The following APBB2 variants were observed in gnomAD, a reference collection of about 807,000 sequenced individuals.
The protein encoded by APBB2 is amyloid beta precursor protein binding family B member 2, also known as Fe65-like 1.
A neutral mutation model predicts 82.5 loss-of-function variants in APBB2; 38 were observed. The observed-to-expected ratio is 0.46, with a 90% CI of 0.36 to 0.60. The LOEUF (loss-of-function observed/expected upper bound fraction) is 0.60, where lower values mean the gene tolerates loss of function less well. Among genes scored for constraint, APBB2 ranks in the 20% least tolerant of loss-of-function variants. APBB2 has a pLI of 0.00. For missense variants in APBB2, 772 were observed against 972.3 expected, an observed-to-expected ratio of 0.79 and a Z score of 2.74; for synonymous variants, 341 against 368.2, an observed-to-expected ratio of 0.93 and a Z score of 0.85.
intron 5 of APBB2, among the ~76,000 whole-genome samples, chr4:41,016,714 A>G (rs922007220): frequency 6.6e-6 from 1 of 151,646 alleles, no homozygotes; most frequent in African/African-American, 2.4e-5. Context: ...GGATCCCATT[A>G]CCCTATCAGG....
At chr4:41,171,762 C>T (rs1768321419) in intron 1 of APBB2, among the ~76,000 whole-genome samples, 1 of 152,186 alleles carries the variant, frequency 6.6e-6, no homozygotes, top group Non-Finnish European at 1.5e-5. Context: ...AGTTCAAGAC[C>T]AGTCTGGCCA....
At chr4:41,186,250 T>C (rs991490349) in intron 1 of APBB2, among the ~76,000 whole-genome samples, 1 of 152,212 alleles carries the variant, frequency 6.6e-6, no homozygotes, top group African/African-American at 2.4e-5. Flanking sequence ...AGTAGTATAC[T>C]ATGTTTTTTT....
At chr4:41,144,317 G>A (rs1433915103) in intron 1 of APBB2, among the ~76,000 whole-genome samples, 1 of 152,168 alleles carries the variant, frequency 6.6e-6, no homozygotes, top group Non-Finnish European at 1.5e-5. Context: ...CAGAAAAAAA[G>A]CAAAATATCA....
intron 12 of APBB2, among the ~76,000 whole-genome samples, chr4:40,858,940 G>A (rs1762108123): frequency 6.6e-6 from 1 of 152,172 alleles, no homozygotes; most frequent in Admixed American, 6.5e-5. Context: ...TAAGACTTGG[G>A]GTTCAGCAGC....
At chr4:40,977,530 C>CCTTTTTTTTTTT (rs1797489364) in intron 6 of APBB2, among the ~76,000 whole-genome samples, 1 of 152,160 alleles carries the variant, frequency 6.6e-6, no homozygotes, top group Non-Finnish European at 1.5e-5. Context: ...CCAAGCTGGT[C>CCTTTTTTTTTTT]TCGAATTTCT....
intron 3 of APBB2, among the ~76,000 whole-genome samples, chr4:41,087,943 A>C (rs985414192): frequency 6.6e-6 from 1 of 152,218 alleles, no homozygotes; most frequent in Non-Finnish European, 1.5e-5. Context: ...GTGGGCCTCC[A>C]CAAAACAGCC....
chr4:40,886,855 A>T (rs1770451417), intron 12 of APBB2, among the ~76,000 whole-genome samples: 1 of 152,252 alleles, frequency 6.6e-6, no homozygotes, highest in Non-Finnish European at 1.5e-5. Flanking sequence ...AAAGCTCATG[A>T]AACCCCTTGC....
intron 10 of APBB2, among the ~76,000 whole-genome samples, chr4:40,910,687 C>A (rs1778311493): frequency 6.6e-6 from 1 of 152,266 alleles, no homozygotes; most frequent in African/African-American, 2.4e-5. Context: ...GGATGTGCCA[C>A]ATGCTCAAGA....
chr4:40,831,069 A>C (rs1209333777), intron 12 of APBB2, among the ~76,000 whole-genome samples: 2 of 152,240 alleles, frequency 1.3e-5, no homozygotes, highest in African/African-American at 4.8e-5. Context: ...ACTGCACTCC[A>C]GACTGGTCAA....
At chr4:40,983,878 T>A (rs6816766) in intron 6 of APBB2, among the ~76,000 whole-genome samples, 13 of 152,242 alleles carry the variant, frequency 8.5e-5, no homozygotes, top group Non-Finnish European at 1.8e-4. Context: ...TGCCTAACTT[T>A]TTTTAAACTA....
intron 6 of APBB2, among the ~76,000 whole-genome samples, chr4:40,987,491 G>T (rs1466242766): frequency 3.3e-5 from 5 of 152,162 alleles, no homozygotes; most frequent in Admixed American, 3.3e-4. Context: ...TAAAGGATAA[G>T]ATGGTCTATT....
At chr4:40,991,850 G>C (rs1308087648) in intron 6 of APBB2, among the ~76,000 whole-genome samples, 1 of 152,126 alleles carries the variant, frequency 6.6e-6, no homozygotes, top group African/African-American at 2.4e-5. Context: ...CATCCCTTCA[G>C]AAGGTGGGCT....
chr4:40,850,247 A>C (rs992732027), intron 12 of APBB2, among the ~76,000 whole-genome samples: 1 of 152,224 alleles, frequency 6.6e-6, no homozygotes, highest in Non-Finnish European at 1.5e-5. Context: ...AACAGCTGGG[A>C]CTACAGGTGG....
In APBB2 at chr4:41,160,990, G is replaced by A. The variant is rs559179147; in HGVS notation, c.-416-17848C>T. Among the ~76,000 whole-genome samples, 5 of 152,194 alleles carry A rather than the reference G, an allele frequency of 3.3e-5. No homozygotes were observed. The East Asian group carries it at 7.7e-4, about 24-fold the overall frequency. ...GTGACACAGCTTGTGGTTAAGCTGA[G>A]ATGTGAATGTGGCCTCCCGAGCCTG... On this transcript the variant is annotated intron_variant, in intron 1 of 17. Transcript: ENST00000508593.
chr4:41,005,552 T>C (rs1043043079), intron 6 of APBB2, among the ~76,000 whole-genome samples: 2 of 152,208 alleles, frequency 1.3e-5, no homozygotes, highest in African/African-American at 4.8e-5. Flanking sequence ...TCTTGGGGGC[T>C]GCATGCCCAC....
At chr4:41,025,966 A>G (rs1357078684) in intron 5 of APBB2, among the ~76,000 whole-genome samples, 1 of 149,662 alleles carries the variant, frequency 6.7e-6, no homozygotes, top group East Asian at 1.9e-4. Flanking sequence ...AAAAAAAAGA[A>G]AAAAAGGAAA....
At chr4:40,906,464 CAAAAAAAAAAAA>C (rs5857755) in intron 10 of APBB2, among the ~76,000 whole-genome samples, 3 of 67,990 alleles carry the variant, frequency 4.4e-5, no homozygotes, top group African/African-American at 1.3e-4. Flanking sequence ...AAACCTGTCT[CAAAAAAAAAAAA>C]AAAAAAAAAA....
chr4:40,877,490 G>A (rs1434858969), intron 12 of APBB2, among the ~76,000 whole-genome samples: 1 of 152,140 alleles, frequency 6.6e-6, no homozygotes, highest in Non-Finnish European at 1.5e-5. Context: ...GGGTGCTGAG[G>A]GCCAGGGTCA....
At chr4:41,073,344 C>T (rs1347708193) in intron 3 of APBB2, among the ~76,000 whole-genome samples, 3 of 152,168 alleles carry the variant, frequency 2.0e-5, no homozygotes, top group African/African-American at 7.2e-5. Flanking sequence ...CTCTTTCTCC[C>T]ATTTTTCTTT....
Sources: allele counts gnomAD v4.1 joint callset (sites outside exome capture counted in the v4.1 genomes callset), GRCh38; gene constraint gnomAD v4.1.1; transcripts MANE v1.5; gene names NCBI Gene and HGNC (gene_info 2026-07-23, HGNC 2026-07-21).